LRRIQ1: variants seen among roughly 807,000 people sequenced by gnomAD.
LRRIQ1 encodes leucine-rich repeat- and IQ domain-containing protein 1.
Under a neutral mutation model 211.9 loss-of-function variants are expected in LRRIQ1, and 210 were observed. The observed-to-expected ratio is 0.99, with a 90% CI of 0.89 to 1.11. The LOEUF (loss-of-function observed/expected upper bound fraction) is 1.11, where lower values mean the gene tolerates loss of function less well. Among genes scored for constraint, LRRIQ1 ranks in the 50% most tolerant of loss-of-function variants. The pLI is 0.00. For synonymous variants in LRRIQ1, 699 were observed against 650.1 expected (o/e 1.08, Z -1.14); for missense variants, 2,136 against 1,939.5 (o/e 1.10, Z -1.90).
At chr12:85,123,073 A>T (rs1888100990) in intron 16 of LRRIQ1, among the ~76,000 whole-genome samples, 1 of 152,072 alleles carries the variant, frequency 6.6e-6, no homozygotes, top group African/African-American at 2.4e-5. Context: ...AAGTAACCAT[A>T]AACACTTAAT....
chr12:85,107,586 A>C (rs933105467), intron 15 of LRRIQ1, among the ~76,000 whole-genome samples: 1 of 151,864 alleles, frequency 6.6e-6, no homozygotes, highest in African/African-American at 2.4e-5. Context: ...TGGAAAATTT[A>C]TGGCCATTTT....
chr12:85,248,535 A>G (rs1024229056), downstream of LRRIQ1, among the ~76,000 whole-genome samples: 4 of 151,602 alleles, frequency 2.6e-5, no homozygotes, highest in Non-Finnish European at 5.9e-5. Flanking sequence ...GATACATTAC[A>G]TTTTCACAGT....
intron 11 of LRRIQ1, chr12:85,076,515 A>C: frequency 2.8e-6 from 1 of 353,198 alleles, no homozygotes; most frequent in Non-Finnish European, 4.0e-6. Context: ...TATCATGTAA[A>C]TAGTAGAGAT....
intron 24 of LRRIQ1, among the ~76,000 whole-genome samples, chr12:85,165,655 A>G (rs1891120696): frequency 6.6e-6 from 1 of 151,608 alleles, no homozygotes; most frequent in African/African-American, 2.4e-5. Flanking sequence ...TTTGTATTTT[A>G]GTAGAGACGG....
downstream of LRRIQ1, among the ~76,000 whole-genome samples, chr12:85,246,774 A>G (rs1176391313): frequency 6.6e-6 from 1 of 151,566 alleles, no homozygotes; most frequent in African/African-American, 2.4e-5. Context: ...AAACTACTTT[A>G]GAAGAGTAGA....
At chr12:85,134,357 T>C (rs1032957711) in intron 18 of LRRIQ1, among the ~76,000 whole-genome samples, 1 of 152,114 alleles carries the variant, frequency 6.6e-6, no homozygotes, top group Non-Finnish European at 1.5e-5. Context: ...GTGACTGTTA[T>C]TTTTGTCCAT....
At chr12:85,231,315 A>G (rs1488186814) in intron 25 of LRRIQ1, among the ~76,000 whole-genome samples, 6 of 152,200 alleles carry the variant, frequency 3.9e-5, no homozygotes, top group Admixed American at 3.9e-4. Context: ...AAATGAAAAT[A>G]AAACTTTGTG....
At chr12:85,236,960 A>G (rs975566767) in intron 26 of LRRIQ1, among the ~76,000 whole-genome samples, 5 of 150,728 alleles carry the variant, frequency 3.3e-5, no homozygotes, top group Non-Finnish European at 4.4e-5. Context: ...CTCTTTATTA[A>G]ATAAATGAAT....
rs1319371145 is a variant in LRRIQ1, at chr12:85,044,748, A to G, written c.275A>G (p.His92Arg). 18 of 1,566,164 alleles carry G rather than the reference A, an allele frequency of 1.1e-5. No individual in the cohort carries two copies. Among genetic ancestry groups the G allele is most frequent in the Non-Finnish European group, 1.6e-5 (18 of 1,140,912 alleles). ...SCSYGAVSNN[H>R]MHLRTGLSTE... ...AGTTATGGAGCAGTTTCTAATAATCATATGCATTTAAGAACAGGACTATCA... is the reference window on the plus strand; with the variant it reads ...AGTTATGGAGCAGTTTCTAATAATCGTATGCATTTAAGAACAGGACTATCA... Residue 92 changes from histidine to arginine, a missense_variant, in exon 4 of 27, where the codon CAT (histidine) becomes CGT (arginine). Physicochemically the swap from His to Arg is conservative, Grantham distance 29. Coordinates refer to ENST00000393217, the MANE Select transcript of LRRIQ1 (RefSeq NM_001079910.2).
intron 8 of LRRIQ1, among the ~76,000 whole-genome samples, chr12:85,057,707 T>C (rs578190458): frequency 3.4e-4 from 52 of 152,174 alleles, no homozygotes; most frequent in African/African-American, 1.2e-3. Context: ...TGCATATATG[T>C]CTGAAATGTA....
At chr12:85,046,762 T>C (rs1056946478) in intron 5 of LRRIQ1, among the ~76,000 whole-genome samples, 1 of 152,096 alleles carries the variant, frequency 6.6e-6, no homozygotes, top group Admixed American at 6.6e-5. Context: ...CAAATGTCCA[T>C]CAATGATAGA....
In LRRIQ1 at chr12:85,056,569, A is replaced by G; in HGVS notation, c.1776A>G (p.Gln592=). The G allele has an allele frequency of 1.9e-6, 3 of 1,602,020 alleles. No homozygotes were observed. Among genetic ancestry groups the G allele is most frequent in the Non-Finnish European group, 2.6e-6 (3 of 1,174,116 alleles). ...AAAAAGTAGAAAAAGAAGAGATACA[A>G]GAACAGAATGGATTATTATATAAAG... The part of the protein sequence containing the change: ...KIQKVEKEEI[Q]EQNGLLYKDK... Residue 592 remains glutamine, a synonymous_variant, in exon 8 of 27, where the codon CAA becomes CAG. Coordinates refer to ENST00000393217, the MANE Select transcript of LRRIQ1 (RefSeq NM_001079910.2).
At chr12:85,041,864 G>A (rs1048977826) in intron 3 of LRRIQ1, among the ~76,000 whole-genome samples, 12 of 151,628 alleles carry the variant, frequency 7.9e-5, no homozygotes, top group African/African-American at 2.4e-4. Context: ...GAAGAAATAT[G>A]GTCATATTCT....
rs975555736 is a variant in LRRIQ1, at chr12:85,137,785, C to A, written c.4210-65C>A. ...ATGTTTTATCTTCCTAATGGGATAA[C>A]ACAGATAATCTGGTTTAGGGTTTGA... On this transcript the variant is annotated intron_variant, in intron 18 of 26. Coordinates refer to ENST00000393217, the MANE Select transcript of LRRIQ1 (RefSeq NM_001079910.2). The A allele has an allele frequency of 4.4e-6, 6 of 1,348,462 alleles. No individual in the cohort carries two copies. In the East Asian group the frequency reaches 1.0e-4, roughly 23 times the overall value. 83.5% of individuals were successfully genotyped at this position (1,348,462 alleles called of 1,614,324 possible). A position where few individuals can be genotyped will look rare whatever the true frequency, so the allele number is the denominator to read the frequency against.
chr12:85,101,850 T>G (rs1886371262), intron 13 of LRRIQ1, among the ~76,000 whole-genome samples: 1 of 151,776 alleles, frequency 6.6e-6, no homozygotes, highest in Non-Finnish European at 1.5e-5. Flanking sequence ...AAAGATTTAT[T>G]GATTTTTGAT....
rs539285464 is a variant in LRRIQ1 at position 85,261,988 on chromosome 12, C to T, written c.122-927C>T. Among the ~76,000 whole-genome samples the T allele has an allele frequency of 3.9e-5, 6 of 152,024 alleles. No homozygotes were observed. The South Asian group carries it at 1.2e-3, about 32-fold the overall frequency. Reference sequence around the variant, plus strand: ...TGTTTTTGATAGAGACAGGGTTTCGCCATGTTGGTCAGGCTGGTCTCGAAC... The same window carrying T: ...TGTTTTTGATAGAGACAGGGTTTCGTCATGTTGGTCAGGCTGGTCTCGAAC... On this transcript the variant is annotated intron_variant, in intron 1 of 1. Coordinates refer to the LRRIQ1 transcript ENST00000602731.
downstream of LRRIQ1, among the ~76,000 whole-genome samples, chr12:85,247,349 T>C (rs1458109958): frequency 6.6e-6 from 1 of 151,682 alleles, no homozygotes; most frequent in African/African-American, 2.4e-5. Flanking sequence ...AAAATATTTC[T>C]TTTAGCTTTG....
intron 11 of LRRIQ1, among the ~76,000 whole-genome samples, chr12:85,082,449 CTAT>C (rs1470221623): frequency 2.0e-5 from 3 of 151,272 alleles, no homozygotes; most frequent in Non-Finnish European, 2.9e-5. Flanking sequence ...TTTATTGTAT[CTAT>C]TTGTCTGCCA....
At position 85,232,735 on chromosome 12, in the gene LRRIQ1, T is replaced by C. The variant is rs1479549874; in HGVS notation, c.4995T>C (p.Asn1665=). 5.0e-6 allele frequency: 8 copies of C among 1,612,754 alleles called. No individual in the cohort carries two copies. In the African/African-American group the frequency reaches 8.0e-5, roughly 16 times the overall value. Residue 1665 remains asparagine (N), a synonymous_variant, in exon 26 of 27, where the codon AAT becomes AAC. Coordinates refer to ENST00000393217, the MANE Select transcript of LRRIQ1 (RefSeq NM_001079910.2). Reference sequence around the variant, plus strand: ...CTGAGTTAGATCCAGATGTACTTAATGGTGGAAGAGTTCAGCTTGTGGTAA... The same window carrying C: ...CTGAGTTAGATCCAGATGTACTTAACGGTGGAAGAGTTCAGCTTGTGGTAA... The part of the protein sequence containing the change: ...FLPELDPDVL[N]GGRVQLVARL...
Sources: allele counts gnomAD v4.1 joint callset (sites outside exome capture counted in the v4.1 genomes callset), GRCh38; gene constraint gnomAD v4.1.1; transcripts MANE v1.5; gene names NCBI Gene and HGNC (gene_info 2026-07-23, HGNC 2026-07-21).